NIPSNAP3B: variants seen among roughly 807,000 people sequenced by gnomAD.
NIPSNAP3B encodes the protein protein NipSnap homolog 3B.
In NIPSNAP3B, 30 loss-of-function variants were observed where a neutral mutation model predicts 31.5. That is an observed-to-expected ratio of 0.95 (90% CI 0.71 to 1.29). NIPSNAP3B has a LOEUF of 1.29. Ranked by LOEUF, NIPSNAP3B falls within the 50% of genes most tolerant of loss-of-function variation. The pLI, the probability that NIPSNAP3B is intolerant of heterozygous loss-of-function variation, is 0.00. For synonymous variants in NIPSNAP3B, 106 were observed against 107.9 expected, an observed-to-expected ratio of 0.98 and a Z score of 0.11; for missense variants, 269 against 300.7, an observed-to-expected ratio of 0.89 and a Z score of 0.78.
chr9:104,786,425 G>C, the NIPSNAP3B span: 1 of 1,564,588 alleles, frequency 6.4e-7, no homozygotes, highest in South Asian at 1.1e-5. Context: ...TAGTTTTAGA[G>C]AGATTCTCTG....
intron 2 of NIPSNAP3B, among the ~76,000 whole-genome samples, chr9:104,767,369 A>G (rs1198716718): frequency 6.6e-6 from 1 of 152,148 alleles, no homozygotes. Context: ...GAGGAAAGAG[A>G]ACAAGTAACA....
chr9:104,769,903 C>A (rs1828173616), intron 3 of NIPSNAP3B, among the ~76,000 whole-genome samples: 1 of 152,158 alleles, frequency 6.6e-6, no homozygotes, highest in Non-Finnish European at 1.5e-5. Context: ...CCTGATTTCA[C>A]TTCTTGCTCA....
In NIPSNAP3B at chr9:104,775,201, A is replaced by G. The variant is rs1828309402; in HGVS notation, c.*2128A>G. ...ACTTTTTTTTCCTATCTTTAAAAAA[A>G]AAAAAGAGTAAAATCACCCCATTTT... On this transcript the variant is annotated 3_prime_UTR_variant, in exon 6 of 6. Coordinates refer to ENST00000374762, the MANE Select transcript of NIPSNAP3B (RefSeq NM_018376.4). Among the ~76,000 whole-genome samples, 1 of 152,052 alleles carries G rather than the reference A, an allele frequency of 6.6e-6. No individual in the cohort carries two copies. Among genetic ancestry groups the G allele is most frequent in the African/African-American group, 2.4e-5 (1 of 41,398 alleles).
At chr9:104,789,182 C>T in the NIPSNAP3B span, among the ~76,000 whole-genome samples, 1 of 152,196 alleles carries the variant, frequency 6.6e-6, no homozygotes, top group Non-Finnish European at 1.5e-5. Context: ...AATTAGCACC[C>T]CCAGGGTCAG....
In NIPSNAP3B at chr9:104,774,418, C is replaced by T. The variant is rs1265896914; in HGVS notation, c.*1345C>T. Among the ~76,000 whole-genome samples, 2 of 152,218 alleles carry T rather than the reference C, an allele frequency of 1.3e-5. No individual in the cohort carries two copies. The highest frequency in any genetic ancestry group is 4.8e-5 in the African/African-American group (2 of 41,452). ...GAGTTCAAAGAGGCCTAAGACATCT[C>T]ACATTTATGTGAAATAGTTGAGGCA... On this transcript the variant is annotated 3_prime_UTR_variant, in exon 6 of 6. Transcript: ENST00000374762.
At chr9:104,784,572 A>T in the NIPSNAP3B span, 56 of 1,214,736 alleles carry the variant, frequency 4.6e-5, no homozygotes, top group Non-Finnish European at 5.5e-5. Context: ...AGAATTACAT[A>T]AATGGATTAA....
the NIPSNAP3B span, among the ~76,000 whole-genome samples, chr9:104,788,959 G>C: frequency 1.3e-5 from 2 of 152,200 alleles, no homozygotes; most frequent in Admixed American, 1.3e-4. Context: ...AAATGAGAAG[G>C]CCCAGAAATT....
the NIPSNAP3B span, among the ~76,000 whole-genome samples, chr9:104,789,976 A>G: frequency 1.3e-5 from 2 of 152,130 alleles, no homozygotes; most frequent in African/African-American, 4.8e-5. Context: ...GGCACCTGTA[A>G]TCTCAGCTAC....
Position 104,775,927 on chromosome 9 carries a change from A to T in NIPSNAP3B, c.*2854A>T, listed in dbSNP as rs1564060880. 6.6e-6 allele frequency among the ~76,000 whole-genome samples: 1 copy of T among 152,190 alleles called. No individual in the cohort carries two copies. Among genetic ancestry groups the T allele is most frequent in the Admixed American group, 6.5e-5 (1 of 15,280 alleles). ...ATAGCAACTCTCCTGGTTCAAGCCC[A>T]TCATCATCTGGATTTTTGGGAAGTG... On this transcript the variant is annotated 3_prime_UTR_variant, in exon 6 of 6. Coordinates refer to ENST00000374762, the MANE Select transcript of NIPSNAP3B (RefSeq NM_018376.4).
At chr9:104,780,526 G>A (rs76480790), downstream of NIPSNAP3B, among the ~76,000 whole-genome samples, 3,674 of 152,252 alleles carry the variant, frequency 0.024, 163 homozygotes, top group African/African-American at 0.082. Flanking sequence ...AGGAATCACC[G>A]ATATTAGTAT....
At chr9:104,788,405 G>A in the NIPSNAP3B span, 2 of 1,613,922 alleles carry the variant, frequency 1.2e-6, no homozygotes, top group Admixed American at 1.7e-5. Context: ...AGACAGGCTG[G>A]CTTTCAGGTG....
Position 104,764,387 on chromosome 9 carries a change from G to A in NIPSNAP3B, c.60+87G>A, listed in dbSNP as rs577062089. 2.5e-4 allele frequency: 303 copies of A among 1,209,850 alleles called. No homozygotes were observed. The African/African-American group carries it at 4.3e-3, about 17-fold the overall frequency. The allele number at this position is 1,209,850 out of a possible 1,614,324, so 74.9% of individuals were successfully genotyped here. A position where few individuals can be genotyped will look rare whatever the true frequency, so the allele number is the denominator to read the frequency against. On this transcript the variant is annotated intron_variant, in intron 1 of 5. Transcript: ENST00000374762. The stretch of plus-strand genomic sequence containing the variant: ...TTCTGAAGCGTGCGAGCCACGCTCA[G>A]GCGCTCCCAGACCTGGGGCCCCGCG...
intron 1 of NIPSNAP3B, 113 bp downstream of exon 1, chr9:104,764,413 C>A: frequency 1.1e-6 from 1 of 888,698 alleles, no homozygotes; most frequent in Non-Finnish European, 1.6e-6. Flanking sequence ...GGGCCCCGCG[C>A]CGCCGCCGAA....
intron 2 of NIPSNAP3B, 100 bp from the exon 3 acceptor site, chr9:104,768,763 C>T: frequency 1.1e-6 from 1 of 940,396 alleles, no homozygotes; most frequent in Non-Finnish European, 1.6e-6. Flanking sequence ...CATGGGGTTC[C>T]CATATGGCCT....
At chr9:104,788,196 C>G in the NIPSNAP3B span, 5 of 1,188,366 alleles carry the variant, frequency 4.2e-6, no homozygotes, top group Admixed American at 6.8e-5. Context: ...GGAGCCAAAG[C>G]AGGGAGAAGG....
At chr9:104,787,741 G>T in the NIPSNAP3B span, 4 of 782,652 alleles carry the variant, frequency 5.1e-6, no homozygotes, top group South Asian at 1.2e-4. Flanking sequence ...TGCAGGCATG[G>T]TACAGCCACC....
intron 3 of NIPSNAP3B, 97 bp from the exon 4 acceptor site, chr9:104,770,752 T>A (rs895247272): frequency 9.6e-7 from 1 of 1,037,246 alleles, no homozygotes; most frequent in Non-Finnish European, 1.5e-6. Flanking sequence ...GATTATCCTC[T>A]AACTTCATTG....
intron 2 of NIPSNAP3B, 28 bp from the exon 3 acceptor site, chr9:104,768,835 C>T (rs759188448): frequency 3.4e-5 from 54 of 1,578,266 alleles, no homozygotes; most frequent in Non-Finnish European, 3.1e-5. Flanking sequence ...AATAAAAAAA[C>T]ATTTTCTTAA....
downstream of NIPSNAP3B, among the ~76,000 whole-genome samples, chr9:104,778,057 T>C (rs1242808688): frequency 9.2e-5 from 14 of 152,200 alleles, no homozygotes; most frequent in African/African-American, 2.2e-4. Flanking sequence ...CTTCAACATA[T>C]GGCATTATAC....
Sources: allele counts gnomAD v4.1 joint callset (sites outside exome capture counted in the v4.1 genomes callset), GRCh38; gene constraint gnomAD v4.1.1; transcripts MANE v1.5; gene names NCBI Gene and HGNC (gene_info 2026-07-23, HGNC 2026-07-21).